ARMC2: variants seen among roughly 807,000 people sequenced by gnomAD.
ARMC2 encodes the protein armadillo repeat-containing protein 2.
In ARMC2, 67 loss-of-function variants were observed where a neutral mutation model predicts 90.3. The ratio of observed to expected loss-of-function variants is 0.74; its 90% confidence interval spans 0.61 to 0.91. ARMC2 has a LOEUF of 0.91. ARMC2 is among the 40% of genes least tolerant of loss of function. The pLI is 0.00. For missense variants in ARMC2, 920 were observed against 1,030.9 expected (o/e 0.89, Z 1.47); for synonymous variants, 393 against 393.0 (o/e 1.00, Z 0.00).
chr6:109,014,507 A>G, the ARMC2 span, among the ~76,000 whole-genome samples: 1 of 152,238 alleles, frequency 6.6e-6, no homozygotes, highest in Admixed American at 6.5e-5. Flanking sequence ...TACCGAATAT[A>G]TATTTACAAT....
chr6:108,964,067 C>T (rs1778184956), intron 15 of ARMC2, 113 bp from the exon 16 acceptor site: 2 of 1,163,302 alleles, frequency 1.7e-6, no homozygotes, highest in Admixed American at 2.5e-5. Flanking sequence ...AGTCCCTTAA[C>T]AGGGGTTCTG....
At chr6:108,998,769 A>C in the ARMC2 span, 1 of 1,592,502 alleles carries the variant, frequency 6.3e-7, no homozygotes, top group Non-Finnish European at 8.6e-7. Context: ...AGGGGGAAAA[A>C]AAAAAAGAAT....
intron 5 of ARMC2, among the ~76,000 whole-genome samples, chr6:108,881,296 C>CCCTTCCTTCCTTCCTT (rs148587003): frequency 0.034 from 2,629 of 78,192 alleles, 153 homozygotes; most frequent in East Asian, 0.2. Flanking sequence ...CCCTCCCCTC[C>CCCTTCCTTCCTTCCTT]CCTTCCTTCC....
At chr6:109,018,454 G>A in the ARMC2 span, among the ~76,000 whole-genome samples, 57 of 152,296 alleles carry the variant, frequency 3.7e-4, 1 homozygote, top group African/African-American at 1.3e-3. Flanking sequence ...CTATAATAGT[G>A]AGTGAACTGC....
chr6:109,039,059 CAAG>C, the ARMC2 span, among the ~76,000 whole-genome samples: 2 of 133,282 alleles, frequency 1.5e-5, no homozygotes, highest in East Asian at 2.2e-4. Flanking sequence ...AGAAGGAGAA[CAAG>C]AAGGAGGAAG....
chr6:108,882,415 G>A (rs1047608582), intron 5 of ARMC2, among the ~76,000 whole-genome samples: 1 of 147,036 alleles, frequency 6.8e-6, no homozygotes, highest in Non-Finnish European at 1.5e-5. Context: ...CTCCAGCCTA[G>A]GCGATGGAGT....
At chr6:109,043,212 A>G in the ARMC2 span, among the ~76,000 whole-genome samples, 1 of 152,178 alleles carries the variant, frequency 6.6e-6, no homozygotes, top group Non-Finnish European at 1.5e-5. Flanking sequence ...AAAAACTTCT[A>G]CAAAAACCTA....
chr6:109,027,475 T>G, the ARMC2 span, among the ~76,000 whole-genome samples: 201 of 46,518 alleles, frequency 4.3e-3, 1 homozygote, highest in African/African-American at 0.018. Context: ...AGACTCTGTC[T>G]CAAAAAAAAA....
chr6:108,885,841 G>A (rs953921293), intron 5 of ARMC2, among the ~76,000 whole-genome samples: 1 of 152,184 alleles, frequency 6.6e-6, no homozygotes, highest in African/African-American at 2.4e-5. Context: ...TATAAAGCAG[G>A]ATCAGCAAAC....
At chr6:108,980,820 G>A in the ARMC2 span, among the ~76,000 whole-genome samples, 2 of 152,166 alleles carry the variant, frequency 1.3e-5, no homozygotes, top group African/African-American at 4.8e-5. Flanking sequence ...AACCTCGGAG[G>A]TGGAGGTTGC....
At chr6:108,961,469 G>A (rs948044432) in intron 13 of ARMC2, 103 bp from the exon 14 acceptor site, 541 of 1,319,658 alleles carry the variant, frequency 4.1e-4, no homozygotes, top group Admixed American at 1.0e-3. Flanking sequence ...GGGACCCTGC[G>A]TGATCGCAGC....
chr6:108,933,501 T>C (rs563443398), intron 11 of ARMC2, among the ~76,000 whole-genome samples: 1 of 152,324 alleles, frequency 6.6e-6, no homozygotes, highest in Admixed American at 6.5e-5. Context: ...TAGAATCATC[T>C]GTGAGTGTTG....
In ARMC2 at chr6:108,973,787, A is replaced by G. The variant is rs757804215; in HGVS notation, c.*273A>G. The G allele has an allele frequency of 7.1e-6, 2 of 281,072 alleles. No individual in the cohort carries two copies. Among genetic ancestry groups the G allele is most frequent in the African/African-American group, 2.2e-5 (1 of 46,126 alleles). 17.4% of individuals were successfully genotyped at this position (281,072 alleles called of 1,614,324 possible). On this transcript the variant is annotated 3_prime_UTR_variant, in exon 18 of 18. Coordinates refer to ENST00000392644, the MANE Select transcript of ARMC2 (RefSeq NM_032131.6). ...TAAATGACTTTTTCTTCTATTCTCT[A>G]TTAAACAATTTAGTTCTAGTCTTAA...
the ARMC2 span, among the ~76,000 whole-genome samples, chr6:109,045,618 C>T: frequency 2.0e-5 from 3 of 152,212 alleles, no homozygotes; most frequent in African/African-American, 7.2e-5. Flanking sequence ...CAACTGGCCT[C>T]TCCTTAGTCA....
intron 11 of ARMC2, among the ~76,000 whole-genome samples, chr6:108,933,675 T>C (rs1046722300): frequency 6.6e-5 from 10 of 152,202 alleles, no homozygotes; most frequent in Non-Finnish European, 1.5e-4. Flanking sequence ...CTTGATTGAT[T>C]GCTCTGGCTA....
At chr6:108,986,069 TAACA>T in the ARMC2 span, among the ~76,000 whole-genome samples, 1 of 150,176 alleles carries the variant, frequency 6.7e-6, no homozygotes, top group African/African-American at 2.4e-5. Flanking sequence ...GAGGAGTAAC[TAACA>T]GAGTTATCAT....
Position 108,974,160 on chromosome 6 carries a change from T to C in ARMC2, c.*646T>C, listed in dbSNP as rs1475289698. ...TCCTTCTAATTGTAACTCTCTGTGT[T>C]TGACAGGTGAGGTAATGTATTAGAA... On this transcript the variant is annotated 3_prime_UTR_variant, in exon 18 of 18. Coordinates refer to ENST00000392644, the MANE Select transcript of ARMC2 (RefSeq NM_032131.6). The C allele has an allele frequency of 6.6e-6, 1 of 152,232 alleles. No individual in the cohort carries two copies. Among genetic ancestry groups the C allele is most frequent in the Admixed American group, 6.5e-5 (1 of 15,282 alleles). The allele number at this position is 152,232 out of a possible 1,614,324, so 9.4% of individuals were successfully genotyped here. A position where few individuals can be genotyped will look rare whatever the true frequency, so the allele number is the denominator to read the frequency against.
chr6:108,904,075 A>G (rs527341792), intron 7 of ARMC2, among the ~76,000 whole-genome samples, 155 bp from the exon 8 acceptor site: 3 of 152,234 alleles, frequency 2.0e-5, no homozygotes, highest in African/African-American at 7.2e-5. Flanking sequence ...AATCAGGTAG[A>G]TGGAAGTGAT....
the ARMC2 span, among the ~76,000 whole-genome samples, chr6:109,018,821 A>G: frequency 1.3e-5 from 2 of 152,200 alleles, no homozygotes; most frequent in African/African-American, 2.4e-5. Flanking sequence ...GATGACTTCT[A>G]TAGTTCATTA....
Sources: allele counts gnomAD v4.1 joint callset (sites outside exome capture counted in the v4.1 genomes callset), GRCh38; gene constraint gnomAD v4.1.1; transcripts MANE v1.5; gene names NCBI Gene and HGNC (gene_info 2026-07-23, HGNC 2026-07-21).